The following CELF4 variants were observed in gnomAD, a reference collection of about 807,000 sequenced individuals.
CELF4 encodes CUG-BP- and ETR-3-like factor 4.
A neutral mutation model predicts 59.9 loss-of-function variants in CELF4; 18 were observed. The ratio of observed to expected loss-of-function variants is 0.30; its 90% CI spans 0.21 to 0.45. CELF4 has a LOEUF of 0.45. CELF4 is among the 20% of genes least tolerant of loss of function. The probability of loss-of-function intolerance (pLI) is 1.00; values close to 1 mark genes in which losing one functional copy is unlikely to be tolerated. For missense variants in CELF4, 456 were observed against 689.0 expected (o/e 0.66, Z 3.79); for synonymous variants, 261 against 267.1 (o/e 0.98, Z 0.22).
chr18:37,518,485 G>T (rs1414229532), intron 1 of CELF4, among the ~76,000 whole-genome samples: 3 of 152,134 alleles, frequency 2.0e-5, no homozygotes, highest in Non-Finnish European at 4.4e-5. Context: ...AAACAGACAG[G>T]AGTCAGGGAG....
At chr18:37,563,920 G>T (rs1048304381) in intron 1 of CELF4, among the ~76,000 whole-genome samples, 1 of 152,204 alleles carries the variant, frequency 6.6e-6, no homozygotes, top group Non-Finnish European at 1.5e-5. Context: ...GAGGGCTGGA[G>T]AAAGAGGGTG....
At chr18:37,321,974 A>T (rs2097139242) in intron 2 of CELF4, 93 bp from the exon 3 acceptor site, 2 of 933,594 alleles carry the variant, frequency 2.1e-6, no homozygotes, top group South Asian at 3.7e-5. Flanking sequence ...ATGCGAGTAT[A>T]CAGACTGCAC....
intron 2 of CELF4, among the ~76,000 whole-genome samples, chr18:37,413,470 G>C (rs912643280): frequency 1.3e-5 from 2 of 152,100 alleles, no homozygotes; most frequent in African/African-American, 4.8e-5. Flanking sequence ...TTGTACAGAG[G>C]GCCTGAAAAC....
intron 10 of CELF4, among the ~76,000 whole-genome samples, chr18:37,263,059 T>C (rs956434022): frequency 6.6e-6 from 1 of 152,004 alleles, no homozygotes; most frequent in Non-Finnish European, 1.5e-5. Context: ...GGGTGGTAGC[T>C]TGGTAAAGGA....
At chr18:37,439,319 A>T (rs1320847416) in intron 2 of CELF4, among the ~76,000 whole-genome samples, 1 of 152,210 alleles carries the variant, frequency 6.6e-6, no homozygotes, top group Non-Finnish European at 1.5e-5. Flanking sequence ...CTCAGTGTCC[A>T]TGAAAGTGGG....
At chr18:37,282,334 C>T (rs1243579544) in intron 3 of CELF4, among the ~76,000 whole-genome samples, 1 of 152,128 alleles carries the variant, frequency 6.6e-6, no homozygotes, top group Non-Finnish European at 1.5e-5. Flanking sequence ...CTCCAGCCTC[C>T]ACCAGGAGGT....
At position 37,350,518 on chromosome 18, in the gene CELF4, C is replaced by T. The variant is rs1174903550; in HGVS notation, c.370-28637G>A. ...AAAGGATTATGTCACAGAGCCTGTC[C>T]GATCCCAATCAATACTGCACATTGC... On this transcript the variant is annotated intron_variant, in intron 2 of 12. Coordinates refer to ENST00000420428, the MANE Select transcript of CELF4 (RefSeq NM_020180.4). 3.3e-5 allele frequency among the ~76,000 whole-genome samples: 5 copies of T among 152,122 alleles called. No individual in the cohort carries two copies. In the East Asian group the frequency reaches 7.7e-4, roughly 23 times the overall value.
chr18:37,553,452 C>G (rs1280027136), intron 1 of CELF4, among the ~76,000 whole-genome samples: 1 of 152,136 alleles, frequency 6.6e-6, no homozygotes, highest in African/African-American at 2.4e-5. Flanking sequence ...TTCCGGGACA[C>G]AGCAGTTTGG....
intron 10 of CELF4, among the ~76,000 whole-genome samples, chr18:37,261,638 T>C (rs1200252568): frequency 2.0e-5 from 3 of 152,178 alleles, no homozygotes; most frequent in Non-Finnish European, 4.4e-5. Flanking sequence ...TAGAGACCAA[T>C]GTGGTCCAGC....
intron 2 of CELF4, among the ~76,000 whole-genome samples, chr18:37,410,248 C>T (rs1237954593): frequency 6.6e-6 from 1 of 152,236 alleles, no homozygotes; most frequent in African/African-American, 2.4e-5. Flanking sequence ...TTAATCTACT[C>T]TCTCCCCTGT....
intron 12 of CELF4, among the ~76,000 whole-genome samples, chr18:37,248,077 C>G (rs571001931): frequency 7.2e-5 from 11 of 152,258 alleles, no homozygotes; most frequent in Admixed American, 7.2e-4. Context: ...GGCAGCAGCT[C>G]GGCCCTCCCA....
At chr18:37,558,806 CGTGTGT>C (rs147683102) in intron 1 of CELF4, among the ~76,000 whole-genome samples, 4 of 145,460 alleles carry the variant, frequency 2.7e-5, no homozygotes, top group South Asian at 2.2e-4. Flanking sequence ...GCTGTCAGGT[CGTGTGT>C]GTGTGTGTGT....
intron 1 of CELF4, among the ~76,000 whole-genome samples, chr18:37,500,295 G>A (rs2099930091): frequency 6.6e-6 from 1 of 152,140 alleles, no homozygotes; most frequent in African/African-American, 2.4e-5. Context: ...GCTGCATAGG[G>A]CTGTATTCTC....
intron 2 of CELF4, among the ~76,000 whole-genome samples, chr18:37,370,404 T>A (rs1345042986): frequency 6.6e-6 from 1 of 152,182 alleles, no homozygotes; most frequent in Non-Finnish European, 1.5e-5. Flanking sequence ...TATGGCAGGC[T>A]GGAGGTGCCC....
intron 1 of CELF4, among the ~76,000 whole-genome samples, chr18:37,520,602 C>T (rs933949335): frequency 2.6e-5 from 4 of 152,136 alleles, no homozygotes; most frequent in East Asian, 3.9e-4. Context: ...AGAGCAGAGC[C>T]GGGAGCCTAG....
chr18:37,442,716 G>A (rs981723650), intron 2 of CELF4, among the ~76,000 whole-genome samples: 1 of 152,142 alleles, frequency 6.6e-6, no homozygotes, highest in Non-Finnish European at 1.5e-5. Context: ...GAAGAGGCTC[G>A]GCCGCTGGTA....
In CELF4 at chr18:37,279,551, G is replaced by C. The variant is rs565085673; in HGVS notation, c.449-4308C>G. On this transcript the variant is annotated intron_variant, in intron 3 of 12. Coordinates refer to ENST00000420428, the MANE Select transcript of CELF4 (RefSeq NM_020180.4). Reference sequence around the variant, plus strand: ...CATGTTCTACAGTCTCTCAACAGCTGTTCACTGAGTACCTTCTCTGTGCCG... The same window carrying C: ...CATGTTCTACAGTCTCTCAACAGCTCTTCACTGAGTACCTTCTCTGTGCCG... Among the ~76,000 whole-genome samples, 5 of 152,340 alleles carry C rather than the reference G, an allele frequency of 3.3e-5. No individual in the cohort carries two copies. The South Asian group carries it at 1.0e-3, about 32-fold the overall frequency.
intron 2 of CELF4, among the ~76,000 whole-genome samples, chr18:37,344,695 T>C (rs538130755): frequency 6.6e-6 from 1 of 152,354 alleles, no homozygotes; most frequent in Non-Finnish European, 1.5e-5. Flanking sequence ...ATCCATGCAC[T>C]AACCCCATGT....
chr18:37,284,455 C>A (rs1352352310), intron 3 of CELF4, among the ~76,000 whole-genome samples: 5 of 152,186 alleles, frequency 3.3e-5, no homozygotes, highest in Non-Finnish European at 5.9e-5. Context: ...CTGCGCCTGG[C>A]CTCACAGTGC....
Sources: gnomAD v4.1 joint callset for allele counts (sites outside exome capture counted in the v4.1 genomes callset) on GRCh38, gnomAD v4.1.1 for gene constraint, MANE v1.5 for transcripts, NCBI Gene and HGNC (gene_info 2026-07-23, HGNC 2026-07-21) for gene names.